NFIB: variants seen among roughly 807,000 people sequenced by gnomAD.
The protein encoded by NFIB is nuclear factor 1 B-type.
A neutral mutation model predicts 61.5 loss-of-function variants in NFIB; 11 were observed. The observed-to-expected ratio is 0.18, with a 90% CI of 0.11 to 0.30. The LOEUF (loss-of-function observed/expected upper bound fraction) is 0.30. Among genes scored for constraint, NFIB ranks in the 10% least tolerant of loss-of-function variants. NFIB has a pLI of 1.00. For synonymous variants in NFIB, 260 were observed against 216.5 expected (o/e 1.20, Z -1.76); for missense variants, 471 against 608.9 (o/e 0.77, Z 2.38).
chr9:14,507,998 A>G, the NFIB span, among the ~76,000 whole-genome samples: 2 of 151,106 alleles, frequency 1.3e-5, no homozygotes, highest in Admixed American at 6.6e-5. Context: ...ACACACATAT[A>G]TATATATATA....
At chr9:14,367,012 G>A (rs1017872905) in intron 1 of NFIB, among the ~76,000 whole-genome samples, 1 of 151,992 alleles carries the variant, frequency 6.6e-6, no homozygotes, top group African/African-American at 2.4e-5. Flanking sequence ...CACTCTAAAC[G>A]CTAAATGTAA....
At chr9:14,121,558 T>C (rs767476343) in intron 7 of NFIB, among the ~76,000 whole-genome samples, 10 of 152,226 alleles carry the variant, frequency 6.6e-5, no homozygotes, top group African/African-American at 2.2e-4. Flanking sequence ...CATTGGAACA[T>C]AGAGCTAGAA....
the NFIB span, among the ~76,000 whole-genome samples, chr9:14,432,921 G>A: frequency 6.6e-6 from 1 of 152,122 alleles, no homozygotes; most frequent in Admixed American, 6.6e-5. Context: ...AGAATTTGCT[G>A]GCTCTGAAAG....
At chr9:14,357,260 T>C (rs572200376) in intron 1 of NFIB, 14 of 152,154 alleles carry the variant, frequency 9.2e-5, no homozygotes, top group Non-Finnish European at 1.8e-4. Flanking sequence ...TTCCTGCAAG[T>C]TTCCCAAACC....
the NFIB span, among the ~76,000 whole-genome samples, chr9:14,487,386 G>C: frequency 1.3e-5 from 2 of 152,324 alleles, no homozygotes; most frequent in Admixed American, 1.3e-4. Context: ...CTGGCAGAGA[G>C]AAACACTTTT....
At chr9:14,480,988 T>C in the NFIB span, among the ~76,000 whole-genome samples, 1 of 151,458 alleles carries the variant, frequency 6.6e-6, no homozygotes, top group Non-Finnish European at 1.5e-5. Flanking sequence ...GTGCCTTACC[T>C]ATAACACCTT....
intron 1 of NFIB, among the ~76,000 whole-genome samples, chr9:14,385,690 T>G (rs528319790): frequency 1.9e-4 from 29 of 152,106 alleles, no homozygotes; most frequent in Non-Finnish European, 3.8e-4. Context: ...ACAATTTATA[T>G]ATTTGTAATC....
chr9:14,467,894 A>G, the NFIB span, among the ~76,000 whole-genome samples: 1 of 152,236 alleles, frequency 6.6e-6, no homozygotes, highest in Non-Finnish European at 1.5e-5. Flanking sequence ...AGTGAGATTT[A>G]ATAACAATGT....
intron 1 of NFIB, among the ~76,000 whole-genome samples, chr9:14,347,594 A>C (rs1185769327): frequency 2.6e-5 from 4 of 151,334 alleles, no homozygotes; most frequent in African/African-American, 9.7e-5. Context: ...GAGAGGGGAG[A>C]AGGGAGAAGG....
chr9:14,135,282 G>C (rs1290039212), intron 6 of NFIB, among the ~76,000 whole-genome samples: 1 of 152,064 alleles, frequency 6.6e-6, no homozygotes, highest in Non-Finnish European at 1.5e-5. Flanking sequence ...CCCAAAGCTG[G>C]GCTGACAATA....
chr9:14,275,902 A>G (rs878879877), intron 2 of NFIB, among the ~76,000 whole-genome samples: 2 of 152,112 alleles, frequency 1.3e-5, no homozygotes, highest in Admixed American at 1.3e-4. Flanking sequence ...GTTGATGTTC[A>G]AAACTCTACC....
chr9:14,111,476 G>C (rs951904158), intron 10 of NFIB, among the ~76,000 whole-genome samples: 1 of 152,064 alleles, frequency 6.6e-6, no homozygotes, highest in Admixed American at 6.6e-5. Flanking sequence ...AATTAGAGAT[G>C]TGTCATAAAG....
At chr9:14,445,357 A>AT in the NFIB span, among the ~76,000 whole-genome samples, 14,641 of 152,106 alleles carry the variant, frequency 0.096, 980 homozygotes, top group African/African-American at 0.19. Flanking sequence ...GATAGCAGGC[A>AT]TTTTTATCTT....
intron 3 of NFIB, among the ~76,000 whole-genome samples, chr9:14,179,482 G>C (rs2046520546): frequency 6.6e-6 from 1 of 152,110 alleles, no homozygotes; most frequent in Non-Finnish European, 1.5e-5. Context: ...TAAAATATAT[G>C]CGTATTTATT....
the NFIB span, among the ~76,000 whole-genome samples, chr9:14,507,629 T>C: frequency 6.6e-6 from 1 of 152,216 alleles, no homozygotes; most frequent in Non-Finnish European, 1.5e-5. Context: ...AAGACCATTC[T>C]TGGTAATGGG....
intron 2 of NFIB, among the ~76,000 whole-genome samples, chr9:14,304,453 T>G (rs1467284093): frequency 6.6e-6 from 1 of 152,236 alleles, no homozygotes; most frequent in Non-Finnish European, 1.5e-5. Context: ...GCAATGCGGA[T>G]GCCAACTAAC....
chr9:14,383,461 C>T (rs558666614), intron 1 of NFIB, among the ~76,000 whole-genome samples: 1 of 152,074 alleles, frequency 6.6e-6, no homozygotes, highest in South Asian at 2.1e-4. Flanking sequence ...CAAGGCGGTG[C>T]TAAGAATCTG....
rs182069808 is a variant in NFIB at position 14,233,349 on chromosome 9, A to T, written c.563-53569T>A. Among the ~76,000 whole-genome samples, 344 of 152,170 alleles carry T rather than the reference A, an allele frequency of 2.3e-3. 8 individuals carry two copies. Among genetic ancestry groups the T allele is most frequent in the Admixed American group, 0.021 (317 of 15,280 alleles). The stretch of plus-strand genomic sequence containing the variant: ...GTGATCCTAAAAATTTTCAGGAAAA[A>T]CATCTAACAATTTAACCATAAAGAG... On this transcript the variant is annotated intron_variant, in intron 2 of 10. Coordinates refer to ENST00000380953, the MANE Select transcript of NFIB (RefSeq NM_001190737.2).
At chr9:14,194,495 C>G (rs1293704725) in intron 2 of NFIB, among the ~76,000 whole-genome samples, 1 of 152,030 alleles carries the variant, frequency 6.6e-6, no homozygotes, top group African/African-American at 2.4e-5. Context: ...CAACTTTTAA[C>G]CAAATTTTTT....
Sources: gnomAD v4.1 joint callset for allele counts (sites outside exome capture counted in the v4.1 genomes callset) on GRCh38, gnomAD v4.1.1 for gene constraint, MANE v1.5 for transcripts, NCBI Gene and HGNC (gene_info 2026-07-23, HGNC 2026-07-21) for gene names.